The following ME1 variants were observed in gnomAD, a reference collection of about 807,000 sequenced individuals.
ME1 encodes the protein NADP-dependent malic enzyme.
Under a neutral mutation model 66.4 loss-of-function variants are expected in ME1, and 74 were observed. The ratio of observed to expected loss-of-function variants is 1.11; its 90% CI spans 0.92 to 1.35. The LOEUF is 1.35. ME1 is among the 40% of genes most tolerant of loss of function. ME1 has a pLI of 0.00. For missense variants in ME1, 750 were observed against 694.1 expected, an observed-to-expected ratio of 1.08 and a Z score of -0.90; for synonymous variants, 251 against 235.6, an observed-to-expected ratio of 1.07 and a Z score of -0.60.
At chr6:83,290,363 T>C (rs144869859) in intron 6 of ME1, among the ~76,000 whole-genome samples, 7,450 of 152,264 alleles carry the variant, frequency 0.049, 262 homozygotes, top group Non-Finnish European at 0.075. Flanking sequence ...ACGTGTTTAT[T>C]TCTGCCTTCA....
chr6:83,424,321 C>T (rs1271382647), intron 1 of ME1, among the ~76,000 whole-genome samples: 1 of 151,868 alleles, frequency 6.6e-6, no homozygotes, highest in Non-Finnish European at 1.5e-5. Context: ...TCATAATCAC[C>T]AGACCAAGTA....
intron 5 of ME1, among the ~76,000 whole-genome samples, chr6:83,331,502 C>T (rs1583385979): frequency 6.6e-6 from 1 of 151,150 alleles, no homozygotes; most frequent in Non-Finnish European, 1.5e-5. Context: ...CAGAGAATTG[C>T]TTGAACCCGG....
At chr6:83,345,915 A>T (rs553454875) in intron 5 of ME1, among the ~76,000 whole-genome samples, 2 of 152,206 alleles carry the variant, frequency 1.3e-5, no homozygotes, top group Non-Finnish European at 2.9e-5. Context: ...CATATATTCT[A>T]TAGAATAATG....
intron 11 of ME1, among the ~76,000 whole-genome samples, chr6:83,225,264 C>A (rs1211324200): frequency 6.9e-6 from 1 of 144,418 alleles, no homozygotes; most frequent in African/African-American, 2.5e-5. Flanking sequence ...TGCTGCATTT[C>A]ATATTGCTAA....
intron 5 of ME1, among the ~76,000 whole-genome samples, chr6:83,322,501 T>C (rs576658233): frequency 2.0e-5 from 3 of 152,110 alleles, no homozygotes; most frequent in Admixed American, 6.5e-5. Flanking sequence ...AAGAACTTCA[T>C]GAAGCATACA....
At chr6:83,317,492 T>C (rs544597310) in intron 5 of ME1, among the ~76,000 whole-genome samples, 2,156 of 151,896 alleles carry the variant, frequency 0.014, 15 homozygotes, top group Non-Finnish European at 0.019. Flanking sequence ...TAGGAATGCT[T>C]GTGATTTTTG....
intron 6 of ME1, among the ~76,000 whole-genome samples, chr6:83,295,392 C>T (rs549259118): frequency 1.6e-4 from 24 of 152,196 alleles, no homozygotes; most frequent in Admixed American, 2.0e-4. Flanking sequence ...ACAGAGTTTT[C>T]CAGCAAGGAT....
intron 6 of ME1, among the ~76,000 whole-genome samples, chr6:83,263,176 T>G: frequency 6.6e-6 from 1 of 152,146 alleles, no homozygotes; most frequent in Admixed American, 6.5e-5. Flanking sequence ...GATGGCAAAC[T>G]TAAGCAATAA....
chr6:83,362,456 CT>C (rs1447138479), intron 3 of ME1, among the ~76,000 whole-genome samples: 4 of 152,242 alleles, frequency 2.6e-5, no homozygotes, highest in Non-Finnish European at 5.9e-5. Flanking sequence ...CCAGCCACCC[CT>C]GTCATCACCC....
intron 2 of ME1, among the ~76,000 whole-genome samples, chr6:83,404,256 G>C: frequency 6.9e-6 from 1 of 145,116 alleles, no homozygotes; most frequent in South Asian, 2.1e-4. Flanking sequence ...CTAATGACCA[G>C]TGATGATGAG....
chr6:83,408,336 T>C (rs1360618408), intron 1 of ME1, among the ~76,000 whole-genome samples: 1 of 152,194 alleles, frequency 6.6e-6, no homozygotes, highest in Non-Finnish European at 1.5e-5. Flanking sequence ...CCTTATATGA[T>C]TCTGAGTTAC....
chr6:83,243,184 T>C (rs563983924), intron 7 of ME1, among the ~76,000 whole-genome samples: 21 of 150,916 alleles, frequency 1.4e-4, no homozygotes, highest in Middle Eastern at 6.9e-3. Flanking sequence ...TAGGATCACT[T>C]GAACCCAGGA....
intron 5 of ME1, among the ~76,000 whole-genome samples, chr6:83,326,455 C>G (rs1768292744): frequency 6.6e-6 from 1 of 152,090 alleles, no homozygotes; most frequent in South Asian, 2.1e-4. Flanking sequence ...GAACAGGCAA[C>G]CTACAGAATG....
At chr6:83,298,931 G>GTTTTTTTTTTTTTTTTTTT (rs61055748) in intron 6 of ME1, among the ~76,000 whole-genome samples, 1 of 22,496 alleles carries the variant, frequency 4.4e-5, no homozygotes, top group Non-Finnish European at 7.8e-5. Flanking sequence ...CTATGTGTCT[G>GTTTTTTTTTTTTTTTTTTT]TTTTTTTTTT....
At chr6:83,403,997 T>C (rs1769885952) in intron 2 of ME1, among the ~76,000 whole-genome samples, 1 of 152,210 alleles carries the variant, frequency 6.6e-6, no homozygotes, top group South Asian at 2.1e-4. Context: ...TAGAATGATC[T>C]ATAATTCTTT....
intron 6 of ME1, among the ~76,000 whole-genome samples, chr6:83,262,562 C>A (rs1278218468): frequency 6.6e-6 from 1 of 150,648 alleles, no homozygotes; most frequent in Non-Finnish European, 1.5e-5. Flanking sequence ...CTGTTTATTT[C>A]TAAAAGCCAG....
intron 1 of ME1, among the ~76,000 whole-genome samples, chr6:83,425,521 G>T (rs911632176): frequency 6.6e-6 from 1 of 152,072 alleles, no homozygotes; most frequent in Non-Finnish European, 1.5e-5. Context: ...ATGAGCAAAA[G>T]GGGGGAAAGC....
At chr6:83,227,513 TC>T (rs774172595) in intron 10 of ME1, 36 bp from the exon 11 acceptor site, 3 of 1,518,828 alleles carry the variant, frequency 2.0e-6, no homozygotes, top group South Asian at 2.6e-5. Context: ...ATTAACACTA[TC>T]ATTGGTTAAT....
chr6:83,314,317 G>A (rs780688061), intron 6 of ME1, among the ~76,000 whole-genome samples: 2 of 152,146 alleles, frequency 1.3e-5, no homozygotes, highest in Admixed American at 6.5e-5. Context: ...CATTTTGAGC[G>A]CTGATATGAT....
Sources: allele counts gnomAD v4.1 joint callset (sites outside exome capture counted in the v4.1 genomes callset), GRCh38; gene constraint gnomAD v4.1.1; transcripts MANE v1.5; gene names NCBI Gene and HGNC (gene_info 2026-07-23, HGNC 2026-07-21).